Variants in TASP1 observed in about 807,000 individuals in gnomAD.
TASP1 encodes threonine aspartase 1.
Under a neutral mutation model 56.6 loss-of-function variants are expected in TASP1, and 16 were observed. The observed-to-expected ratio is 0.28, with a 90% CI of 0.19 to 0.43. TASP1 has a LOEUF of 0.43. Among genes scored for constraint, TASP1 ranks in the 20% least tolerant of loss-of-function variants. TASP1 has a pLI of 1.00. For synonymous variants in TASP1, 179 were observed against 184.2 expected (o/e 0.97, Z 0.23); for missense variants, 393 against 511.6 (o/e 0.77, Z 2.24).
chr20:13,521,626 T>A (rs2044759024), intron 10 of TASP1, among the ~76,000 whole-genome samples: 1 of 128,804 alleles, frequency 7.8e-6, no homozygotes, highest in African/African-American at 2.9e-5. Context: ...ACACCGGGGC[T>A]TGTTGTGGGG....
At chr20:13,481,407 T>C (rs979241739) in intron 11 of TASP1, among the ~76,000 whole-genome samples, 3 of 152,154 alleles carry the variant, frequency 2.0e-5, no homozygotes, top group African/African-American at 7.2e-5. Flanking sequence ...CTCTTCAATA[T>C]ACTGCTTCCC....
rs150771155 is a variant in TASP1, at chr20:13,575,991, C to T, written c.488+4906G>A. ...CTGTGGGAGGCTGAGGTGGGCGGAT[C>T]ACCTGTGGTCAGGTGTTCGAGATCA... is the stretch of plus-strand genomic sequence containing the variant. On this transcript the variant is annotated intron_variant, in intron 6 of 13. Coordinates refer to ENST00000337743, the MANE Select transcript of TASP1 (RefSeq NM_017714.3). 7.7e-4 allele frequency among the ~76,000 whole-genome samples: 117 copies of T among 152,074 alleles called. 1 individual carries two copies. The East Asian group carries it at 0.02, about 26-fold the overall frequency.
At chr20:13,255,278 T>C in the TASP1 span, among the ~76,000 whole-genome samples, 1 of 152,262 alleles carries the variant, frequency 6.6e-6, no homozygotes, top group Non-Finnish European at 1.5e-5. Context: ...AAAAAATGGA[T>C]AAAATGCTCT....
chr20:13,542,682 A>G (rs1440180133), intron 8 of TASP1, among the ~76,000 whole-genome samples: 3 of 152,172 alleles, frequency 2.0e-5, no homozygotes, highest in Non-Finnish European at 4.4e-5. Context: ...GGAGTCAATA[A>G]AAGTAGATAA....
At chr20:13,314,445 A>G in the TASP1 span, among the ~76,000 whole-genome samples, 1 of 152,080 alleles carries the variant, frequency 6.6e-6, no homozygotes. Context: ...CTCAGAAACC[A>G]CATAAGCAAT....
the TASP1 span, among the ~76,000 whole-genome samples, chr20:13,198,956 AC>A: frequency 6.7e-6 from 1 of 148,914 alleles, no homozygotes; most frequent in African/African-American, 2.5e-5. Flanking sequence ...CCCAGGCTGC[AC>A]TGCAGTAGTG....
At chr20:13,172,133 G>A in the TASP1 span, among the ~76,000 whole-genome samples, 1 of 152,012 alleles carries the variant, frequency 6.6e-6, no homozygotes, top group Non-Finnish European at 1.5e-5. Context: ...ATAAAAACTT[G>A]AGAAAGCATT....
the TASP1 span, among the ~76,000 whole-genome samples, chr20:13,351,845 C>T: frequency 6.6e-6 from 1 of 152,096 alleles, no homozygotes; most frequent in East Asian, 1.9e-4. Context: ...TTTAATAGAA[C>T]ATTTGATGAT....
intron 10 of TASP1, among the ~76,000 whole-genome samples, chr20:13,516,188 G>A (rs1205564131): frequency 6.6e-6 from 1 of 152,132 alleles, no homozygotes; most frequent in Non-Finnish European, 1.5e-5. Context: ...GTTGTATTTA[G>A]TGAATTCTGC....
the TASP1 span, among the ~76,000 whole-genome samples, chr20:13,116,281 T>C: frequency 6.6e-6 from 1 of 152,216 alleles, no homozygotes; most frequent in African/African-American, 2.4e-5. Flanking sequence ...TTCAACTCTG[T>C]TTGATTCAAT....
chr20:13,347,919 G>C, the TASP1 span, among the ~76,000 whole-genome samples: 2 of 152,116 alleles, frequency 1.3e-5, no homozygotes, highest in Non-Finnish European at 2.9e-5. Flanking sequence ...TCCTGGAGGG[G>C]AAAAGAAATG....
chr20:13,444,180 A>C (rs772893103), intron 11 of TASP1, among the ~76,000 whole-genome samples: 23 of 152,154 alleles, frequency 1.5e-4, no homozygotes, highest in Non-Finnish European at 2.6e-4. Flanking sequence ...ATTACCTGAC[A>C]CTAGACAAGC....
intron 6 of TASP1, among the ~76,000 whole-genome samples, chr20:13,573,584 T>C (rs893119284): frequency 2.0e-5 from 3 of 152,220 alleles, no homozygotes; most frequent in African/African-American, 7.2e-5. Context: ...TGTTTTTACT[T>C]TGAGCTTATT....
At chr20:13,481,284 C>T (rs1263162945) in intron 11 of TASP1, among the ~76,000 whole-genome samples, 2 of 152,130 alleles carry the variant, frequency 1.3e-5, no homozygotes, top group Non-Finnish European at 2.9e-5. Flanking sequence ...CATAGTACTC[C>T]ATTGTGTATA....
intron 6 of TASP1, among the ~76,000 whole-genome samples, chr20:13,579,166 A>G (rs184883410): frequency 9.2e-5 from 14 of 152,356 alleles, no homozygotes; most frequent in African/African-American, 3.1e-4. Context: ...GTGAAAGAAC[A>G]CAGTCATGTT....
At chr20:13,132,764 A>G in the TASP1 span, 1 of 152,134 alleles carries the variant, frequency 6.6e-6, no homozygotes, top group East Asian at 1.9e-4. Flanking sequence ...CTCTTTTCAC[A>G]AACTTGCACT....
chr20:13,403,400 T>C (rs1162288214), intron 13 of TASP1, among the ~76,000 whole-genome samples: 2 of 152,190 alleles, frequency 1.3e-5, no homozygotes, highest in African/African-American at 4.8e-5. Flanking sequence ...TGTGGTGTGA[T>C]GGTCCTGAGA....
At chr20:13,441,743 C>T (rs1472842971) in intron 11 of TASP1, among the ~76,000 whole-genome samples, 1 of 152,136 alleles carries the variant, frequency 6.6e-6, no homozygotes, top group Non-Finnish European at 1.5e-5. Context: ...GCTGTGGCAG[C>T]CCAGTTGAGA....
intron 10 of TASP1, among the ~76,000 whole-genome samples, chr20:13,494,765 A>T (rs548382847): frequency 6.6e-6 from 1 of 152,258 alleles, no homozygotes; most frequent in African/African-American, 2.4e-5. Flanking sequence ...AATATGGACA[A>T]GATCATAGTA....
Sources: allele counts gnomAD v4.1 joint callset (sites outside exome capture counted in the v4.1 genomes callset), GRCh38; gene constraint gnomAD v4.1.1; transcripts MANE v1.5; gene names NCBI Gene and HGNC (gene_info 2026-07-23, HGNC 2026-07-21).